Variants in BMAL1 observed in about 807,000 individuals in gnomAD.
BMAL1 encodes the protein basic helix-loop-helix ARNT like 1, also known as basic helix-loop-helix ARNT-like protein 1.
At chr11:13,355,375 C>A in the BMAL1 span, 1 of 1,356,106 alleles carries the variant, frequency 7.4e-7, no homozygotes, top group Non-Finnish European at 1.1e-6. Context: ...GGCGTTCTTC[C>A]ATAGCAGTAA....
At chr11:13,375,405 A>G in the BMAL1 span, among the ~76,000 whole-genome samples, 117,022 of 152,162 alleles carry the variant, frequency 0.77, 45,870 homozygotes, top group Middle Eastern at 0.88. Context: ...ATGGAAAATC[A>G]TGACAGCTTC....
chr11:13,304,220 G>A, the BMAL1 span, among the ~76,000 whole-genome samples: 7 of 152,256 alleles, frequency 4.6e-5, no homozygotes, highest in South Asian at 2.1e-4. Context: ...GGGGAGAAGC[G>A]GGCGTTTGCG....
Sources: allele counts gnomAD v4.1 joint callset (sites outside exome capture counted in the v4.1 genomes callset), GRCh38; gene constraint gnomAD v4.1.1; transcripts MANE v1.5; gene names NCBI Gene and HGNC (gene_info 2026-07-23, HGNC 2026-07-21).